DUXA: variants seen among roughly 807,000 people sequenced by gnomAD.
DUXA encodes the protein double homeobox A.
DUXA carries 25 observed loss-of-function variants against 27.5 expected under a neutral mutation model. That is an observed-to-expected ratio of 0.91 (90% CI 0.66 to 1.27). The LOEUF is 1.27. Among genes scored for constraint, DUXA ranks in the 50% most tolerant of loss-of-function variants. The probability of loss-of-function intolerance (pLI) is 0.00; values close to 1 mark genes in which losing one functional copy is unlikely to be tolerated. For missense variants in DUXA, 247 were observed against 242.9 expected (o/e 1.02, Z -0.11); for synonymous variants, 90 against 80.5 (o/e 1.12, Z -0.63).
At chr19:57,165,368 T>G (rs2087048377) in intron 1 of DUXA, among the ~76,000 whole-genome samples, 1 of 148,078 alleles carries the variant, frequency 6.8e-6, no homozygotes, top group Admixed American at 6.8e-5. Context: ...TTCATTCTTT[T>G]GACTGAATTC....
At chr19:57,156,493 C>T (rs952706184) in intron 4 of DUXA, among the ~76,000 whole-genome samples, 1 of 152,170 alleles carries the variant, frequency 6.6e-6, no homozygotes, top group African/African-American at 2.4e-5. Context: ...CCTCAACCTC[C>T]TGGGCTCAAG....
intron 1 of DUXA, among the ~76,000 whole-genome samples, chr19:57,165,774 C>T (rs1388825129): frequency 1.5e-5 from 2 of 135,308 alleles, no homozygotes; most frequent in Non-Finnish European, 3.1e-5. Flanking sequence ...CACTGCACTC[C>T]AGCCTGGGCG....
chr19:57,165,339 ATATATG>A lies in DUXA; in HGVS notation c.25+2074_25+2079del, dbSNP rs1211432945. Among the ~76,000 whole-genome samples, 1,021 of 142,020 alleles carry A rather than the reference ATATATG, an allele frequency of 7.2e-3. 20 individuals are homozygous for A. The highest frequency in any genetic ancestry group is 0.024 in the African/African-American group (951 of 39,394). 93.2% of individuals were successfully genotyped at this position (142,020 alleles called of 152,430 possible). The stretch of plus-strand genomic sequence containing the variant: ...AAAAAAAAAAAATATATATATATAT[ATATATG>A]TATATATATATATTCATTCTTTTGA... On this transcript the variant is annotated intron_variant, in intron 1 of 5. Coordinates refer to ENST00000554048, the MANE Select transcript of DUXA (RefSeq NM_001012729.2).
At chr19:57,162,926 A>G (rs1417057135) in intron 1 of DUXA, among the ~76,000 whole-genome samples, 1 of 151,970 alleles carries the variant, frequency 6.6e-6, no homozygotes, top group African/African-American at 2.4e-5. Flanking sequence ...TACAAGCTCA[A>G]TGAATTGGCT....
chr19:57,164,731 CCTT>C (rs1327373762), intron 1 of DUXA, among the ~76,000 whole-genome samples: 1 of 152,104 alleles, frequency 6.6e-6, no homozygotes, highest in Non-Finnish European at 1.5e-5. Context: ...TTACATACAT[CCTT>C]CTTTTCCAGA....
chr19:57,160,728 T>C lies in DUXA; in HGVS notation c.95A>G (p.Asn32Ser), dbSNP rs2087016173. The C allele has an allele frequency of 1.9e-6, 3 of 1,614,216 alleles. No homozygotes were observed. Among genetic ancestry groups the C allele is most frequent in the Non-Finnish European group, 2.5e-6 (3 of 1,180,036 alleles). ...FTEEQLKILI[N>S]TFNQKPYPGY... ...TGGGTAAGGCTTTTGATTGAAGGTA[T>C]TGATGAGGATTTTCAACTGTTCTTC... The change falls in exon 2 of 6, where the codon AAT becomes AGT. Residue 32 changes from asparagine to serine, a missense_variant. Coordinates refer to ENST00000554048, the MANE Select transcript of DUXA (RefSeq NM_001012729.2).
At chr19:57,165,343 A>G (rs1459053749) in intron 1 of DUXA, among the ~76,000 whole-genome samples, 18 of 140,638 alleles carry the variant, frequency 1.3e-4, no homozygotes, top group African/African-American at 4.8e-4. Flanking sequence ...ATATATATAT[A>G]TGTATATATA....
chr19:57,158,572 C>A (rs2122691233), intron 3 of DUXA, 99 bp from the exon 4 acceptor site: 1 of 1,436,502 alleles, frequency 7.0e-7, no homozygotes. Context: ...CACTCTCCCT[C>A]CAATTTCGAT....
In DUXA at chr19:57,164,489, C is replaced by A. The variant is rs534068487; in HGVS notation, c.25+2930G>T. On this transcript the variant is annotated intron_variant, in intron 1 of 5. Transcript: ENST00000554048. ...ACTTGGGAGGCTGAGGCGAGAGAATCGCTTGAACCCGGGAGGCAGAGGTTG... is the reference window on the plus strand; with the variant it reads ...ACTTGGGAGGCTGAGGCGAGAGAATAGCTTGAACCCGGGAGGCAGAGGTTG... Among the ~76,000 whole-genome samples the A allele has an allele frequency of 4.8e-3, 723 of 152,190 alleles. 12 individuals are homozygous for A. The highest frequency in any genetic ancestry group is 0.015 in the African/African-American group (641 of 41,516).
intron 4 of DUXA, among the ~76,000 whole-genome samples, chr19:57,157,092 CA>C (rs2086996451): frequency 6.6e-6 from 1 of 152,054 alleles, no homozygotes; most frequent in South Asian, 2.1e-4. Flanking sequence ...CCGAATAATG[CA>C]AAATGAAAGA....
At chr19:57,161,063 C>G (rs78502470) in intron 1 of DUXA, among the ~76,000 whole-genome samples, 1 of 151,692 alleles carries the variant, frequency 6.6e-6, no homozygotes, top group African/African-American at 2.4e-5. Flanking sequence ...TGGTGGTTGA[C>G]GCCTGTAATC....
chr19:57,165,324 A>AATATATATATATATATATATATATATAT (rs74179420), intron 1 of DUXA, among the ~76,000 whole-genome samples: 11 of 89,244 alleles, frequency 1.2e-4, no homozygotes, highest in Middle Eastern at 6.0e-3. Flanking sequence ...AAAAAAAAAA[A>AATATATATATATATATATATATATATAT]ATATATATAT....
intron 1 of DUXA, among the ~76,000 whole-genome samples, chr19:57,165,929 ATGAG>A (rs1388171594): frequency 6.6e-6 from 1 of 152,092 alleles, no homozygotes; most frequent in Non-Finnish European, 1.5e-5. Context: ...GTATCAGATG[ATGAG>A]TATTTCCACG....
intron 1 of DUXA, among the ~76,000 whole-genome samples, chr19:57,164,574 T>G (rs765122238): frequency 8.6e-5 from 13 of 151,862 alleles, no homozygotes; most frequent in South Asian, 4.1e-4. Flanking sequence ...AAACTCCGTC[T>G]CAAAAAAATA....
intron 4 of DUXA, among the ~76,000 whole-genome samples, chr19:57,157,990 T>G (rs1305003464): frequency 1.2e-5 from 1 of 86,636 alleles, no homozygotes; most frequent in African/African-American, 5.2e-5. Flanking sequence ...TGAGACCCCA[T>G]CTCAGAAAAA....
intron 5 of DUXA, 50 bp from the exon 6 acceptor site, chr19:57,154,532 T>TCTTTCCTCTATCTTCTG: frequency 3.5e-6 from 5 of 1,444,558 alleles, no homozygotes; most frequent in Non-Finnish European, 3.9e-6. Context: ...CAGCTTATAT[T>TCTTTCCTCTATCTTCTG]CACAAACATG....
At chr19:57,158,297 G>T in intron 4 of DUXA, 31 bp downstream of exon 4, 1 of 1,610,404 alleles carries the variant, frequency 6.2e-7, no homozygotes, top group Non-Finnish European at 8.5e-7. Context: ...AGATCCCTAG[G>T]AGATGGGACA....
chr19:57,162,615 C>T (rs2087030075), intron 1 of DUXA, among the ~76,000 whole-genome samples: 1 of 152,088 alleles, frequency 6.6e-6, no homozygotes, highest in South Asian at 2.1e-4. Flanking sequence ...ACTCTTGTTG[C>T]CCAGGCTGGA....
intron 1 of DUXA, among the ~76,000 whole-genome samples, chr19:57,164,094 C>G (rs1162011277): frequency 6.6e-6 from 1 of 152,032 alleles, no homozygotes; most frequent in Non-Finnish European, 1.5e-5. Flanking sequence ...CAAAAGCAGG[C>G]AAATAGACAC....
Sources: gnomAD v4.1 joint callset for allele counts (sites outside exome capture counted in the v4.1 genomes callset) on GRCh38, gnomAD v4.1.1 for gene constraint, MANE v1.5 for transcripts, NCBI Gene and HGNC (gene_info 2026-07-23, HGNC 2026-07-21) for gene names.